SLCO4C1: variants seen among roughly 807,000 people sequenced by gnomAD.
SLCO4C1 encodes the protein organic anion transporter M1.
A neutral mutation model predicts 72.1 loss-of-function variants in SLCO4C1; 58 were observed. That is an observed-to-expected ratio of 0.80 (90% CI 0.65 to 1.00). SLCO4C1 has a LOEUF of 1.00. SLCO4C1 is among the 50% of genes least tolerant of loss of function. The pLI is 0.00. For synonymous variants in SLCO4C1, 297 were observed against 312.5 expected, an observed-to-expected ratio of 0.95 and a Z score of 0.52; for missense variants, 898 against 857.9, an observed-to-expected ratio of 1.05 and a Z score of -0.58.
intron 2 of SLCO4C1, among the ~76,000 whole-genome samples, chr5:102,271,623 A>AT (rs1749154191): frequency 6.6e-6 from 1 of 151,666 alleles, no homozygotes; most frequent in Non-Finnish European, 1.5e-5. Flanking sequence ...TATATATATA[A>AT]TTTTTTAAAT....
Position 102,295,932 on chromosome 5 carries a change from A to G in SLCO4C1, c.331T>C (p.Tyr111His), listed in dbSNP as rs767343247. 16 of 1,613,962 alleles carry G rather than the reference A, an allele frequency of 9.9e-6. No individual in the cohort carries two copies. In the Admixed American group the frequency reaches 2.7e-4, roughly 27 times the overall value. ...CCTTGCGTGACGGCCAAGAGGCAGT[A>G]GTGAAGCAGAAAGCCTCCAGGTGTG... ...CNTPGGFLLH[Y>H]CLLAVTQGIV... Residue 111 changes from tyrosine to histidine, a missense_variant, in exon 1 of 13, where the codon TAC becomes CAC. Coordinates refer to ENST00000310954, the MANE Select transcript of SLCO4C1 (RefSeq NM_180991.5).
intron 1 of SLCO4C1, among the ~76,000 whole-genome samples, chr5:102,292,731 A>G (rs546270830): frequency 6.6e-6 from 1 of 152,298 alleles, no homozygotes; most frequent in South Asian, 2.1e-4. Context: ...TTACTTAAAA[A>G]TGTCCTGTCC....
At chr5:102,249,313 T>C (rs1371941734) in intron 9 of SLCO4C1, among the ~76,000 whole-genome samples, 1 of 152,120 alleles carries the variant, frequency 6.6e-6, no homozygotes, top group African/African-American at 2.4e-5. Flanking sequence ...TATGGCATAT[T>C]TGGGTATATG....
intron 3 of SLCO4C1, among the ~76,000 whole-genome samples, chr5:102,265,552 A>T (rs1749021391): frequency 6.6e-6 from 1 of 152,102 alleles, no homozygotes; most frequent in South Asian, 2.1e-4. Flanking sequence ...TCCAGTTATT[A>T]CAGCACCATT....
chr5:102,241,666 C>T (rs2112335317), intron 10 of SLCO4C1, among the ~76,000 whole-genome samples: 1 of 152,058 alleles, frequency 6.6e-6, no homozygotes, highest in East Asian at 1.9e-4. Flanking sequence ...AATATTTATC[C>T]TACATCAAGT....
intron 2 of SLCO4C1, among the ~76,000 whole-genome samples, chr5:102,274,771 G>A (rs1749218103): frequency 6.6e-6 from 1 of 152,126 alleles, no homozygotes; most frequent in African/African-American, 2.4e-5. Flanking sequence ...TCCTTTCCCA[G>A]GGGGTAGCTG....
At chr5:102,238,897 T>A (rs938944260) in intron 12 of SLCO4C1, among the ~76,000 whole-genome samples, 8 of 152,182 alleles carry the variant, frequency 5.3e-5, no homozygotes, top group Non-Finnish European at 1.2e-4. Context: ...AACACCTAGA[T>A]ACCTAGATGA....
In SLCO4C1 at chr5:102,262,015, A is replaced by C; in HGVS notation, c.918T>G (p.Asp306Glu). Residue 306 changes from aspartate to glutamate, a missense_variant, in exon 5 of 13, where the codon GAT becomes GAG. Coordinates refer to ENST00000310954, the MANE Select transcript of SLCO4C1 (RefSeq NM_180991.5). ...ACCAAGCTCCCAACCATCGCGGATCATCCTCAGTGACATCAGTGCTATATG... is the reference window on the plus strand; with the variant it reads ...ACCAAGCTCCCAACCATCGCGGATCCTCCTCAGTGACATCAGTGCTATATG... ...AMGESTDVTE[D>E]DPRWLGAWWI... 2 of 1,612,926 alleles carry C rather than the reference A, an allele frequency of 1.2e-6. No individual in the cohort carries two copies. Among genetic ancestry groups the C allele is most frequent in the South Asian group, 2.2e-5 (2 of 91,000 alleles).
chr5:102,266,672 G>GAAAAGAAAAGA (rs60045053), intron 3 of SLCO4C1, among the ~76,000 whole-genome samples: 3 of 151,190 alleles, frequency 2.0e-5, no homozygotes, highest in African/African-American at 7.3e-5. Context: ...GAAAAGAAAA[G>GAAAAGAAAAGA]AAAAAAAACA....
intron 3 of SLCO4C1, among the ~76,000 whole-genome samples, chr5:102,267,915 T>A (rs1749073500): frequency 6.6e-6 from 1 of 152,066 alleles, no homozygotes; most frequent in South Asian, 2.1e-4. Context: ...AGTTCCTCAT[T>A]ATTGATTTCT....
At chr5:102,242,873 C>A (rs1361814245) in intron 10 of SLCO4C1, among the ~76,000 whole-genome samples, 1 of 152,062 alleles carries the variant, frequency 6.6e-6, no homozygotes, top group Non-Finnish European at 1.5e-5. Context: ...CATCACTGCC[C>A]CGGGGGGTAG....
Position 102,273,804 on chromosome 5 carries a change from T to C in SLCO4C1, c.620-2998A>G, listed in dbSNP as rs183680177. ...TACTTTTATAATACAGTTTATAAAA[T>C]AGCTAGATTTACCTATTCAATGAAT... On this transcript the variant is annotated intron_variant, in intron 2 of 12. Transcript: ENST00000310954. 3.4e-3 allele frequency among the ~76,000 whole-genome samples: 512 copies of C among 152,242 alleles called. 2 individuals are homozygous for C. The highest frequency in any genetic ancestry group is 0.012 in the African/African-American group (491 of 41,562).
chr5:102,293,093 T>G (rs1367429911), intron 1 of SLCO4C1, among the ~76,000 whole-genome samples: 3 of 152,064 alleles, frequency 2.0e-5, no homozygotes, highest in African/African-American at 7.2e-5. Flanking sequence ...TTCAACAAAT[T>G]TAATAAGTTT....
intron 7 of SLCO4C1, 122 bp downstream of exon 7, chr5:102,257,821 T>C (rs1394269563): frequency 4.5e-6 from 4 of 880,574 alleles, no homozygotes; most frequent in South Asian, 1.7e-5. Flanking sequence ...GGTTTCACCA[T>C]GTTGGCCGGG....
chr5:102,254,433 T>C (rs1231734717), intron 8 of SLCO4C1, among the ~76,000 whole-genome samples: 1 of 152,196 alleles, frequency 6.6e-6, no homozygotes, highest in African/African-American at 2.4e-5. Context: ...GTTATGGTGA[T>C]CAGTGATTTT....
chr5:102,250,581 G>A (rs573931464), intron 8 of SLCO4C1, among the ~76,000 whole-genome samples: 39 of 152,294 alleles, frequency 2.6e-4, no homozygotes, highest in African/African-American at 9.1e-4. Context: ...TATGCTAAGT[G>A]TGGTTACAGA....
intron 3 of SLCO4C1, 109 bp downstream of exon 3, chr5:102,270,515 C>A (rs2112375121): frequency 3.6e-6 from 3 of 822,418 alleles, no homozygotes; most frequent in South Asian, 3.6e-5. Flanking sequence ...ATTGGGAAAA[C>A]CTATGGCATT....
chr5:102,284,848 TC>T (rs1345691810), intron 2 of SLCO4C1, among the ~76,000 whole-genome samples: 1 of 152,198 alleles, frequency 6.6e-6, no homozygotes, highest in Non-Finnish European at 1.5e-5. Context: ...CACATTTTTT[TC>T]CTACTTATTT....
intron 1 of SLCO4C1, among the ~76,000 whole-genome samples, chr5:102,294,793 T>C (rs1452628322): frequency 1.3e-5 from 2 of 152,158 alleles, no homozygotes; most frequent in Non-Finnish European, 2.9e-5. Flanking sequence ...CAAGGGGCCC[T>C]GGGTTCCTTG....
Sources: allele counts gnomAD v4.1 joint callset (sites outside exome capture counted in the v4.1 genomes callset), GRCh38; gene constraint gnomAD v4.1.1; transcripts MANE v1.5; gene names NCBI Gene and HGNC (gene_info 2026-07-23, HGNC 2026-07-21).